Variants in PSMD1 observed in about 807,000 individuals in gnomAD.
The protein encoded by PSMD1 is 26S proteasome non-ATPase regulatory subunit 1.
PSMD1 carries 18 observed loss-of-function variants against 119.0 expected under a neutral mutation model. That is an observed-to-expected ratio of 0.15 (90% confidence interval 0.10 to 0.22). PSMD1 has a LOEUF of 0.22. Among genes scored for constraint, PSMD1 ranks in the 10% least tolerant of loss-of-function variants. The pLI is 1.00. For synonymous variants in PSMD1, 374 were observed against 396.6 expected, an observed-to-expected ratio of 0.94 and a Z score of 0.68; for missense variants, 702 against 1,158.5, an observed-to-expected ratio of 0.61 and a Z score of 5.72.
At chr2:231,108,862 C>G (rs1444997071) in intron 16 of PSMD1, 2 of 1,613,970 alleles carry the variant, frequency 1.2e-6, no homozygotes, top group Non-Finnish European at 1.7e-6. Flanking sequence ...CATAGCCTAT[C>G]CACACAAATA....
chr2:231,096,868 G>T (rs10197001), intron 16 of PSMD1, among the ~76,000 whole-genome samples: 25,255 of 152,168 alleles, frequency 0.17, 2,240 homozygotes, highest in Non-Finnish European at 0.17. Context: ...AGTCAGGGCA[G>T]AGCAGGTAGC....
rs137930315 is a variant in PSMD1 at position 231,141,737 on chromosome 2, G to A, written c.1998+2887G>A. 5.9e-3 allele frequency among the ~76,000 whole-genome samples: 892 copies of A among 152,078 alleles called. 5 individuals are homozygous for A. The highest frequency in any genetic ancestry group is 8.9e-3 in the Admixed American group (136 of 15,262). The stretch of plus-strand genomic sequence containing the variant: ...CACTGAGAATATAATGTTCACTGCT[G>A]GAACCTAAAATTAAAGCTTTGTTTG... On this transcript the variant is annotated intron_variant, in intron 17 of 24. Transcript: ENST00000308696.
At chr2:231,103,162 C>G (rs1454707512) in intron 16 of PSMD1, among the ~76,000 whole-genome samples, 4 of 152,178 alleles carry the variant, frequency 2.6e-5, no homozygotes, top group Non-Finnish European at 5.9e-5. Context: ...TATTTTTTTC[C>G]TATCGTGGAT....
At chr2:231,104,665 A>G (rs1346616780) in intron 16 of PSMD1, among the ~76,000 whole-genome samples, 1 of 152,108 alleles carries the variant, frequency 6.6e-6, no homozygotes, top group Non-Finnish European at 1.5e-5. Context: ...TGTTTAATAA[A>G]TTTCCCCACT....
chr2:231,096,741 A>G (rs913817431), intron 16 of PSMD1, among the ~76,000 whole-genome samples: 1 of 152,226 alleles, frequency 6.6e-6, no homozygotes, highest in African/African-American at 2.4e-5. Flanking sequence ...CTTATCCCTG[A>G]TGCACGTGGC....
At chr2:231,117,992 G>A (rs759408442) in intron 16 of PSMD1, among the ~76,000 whole-genome samples, 1 of 152,008 alleles carries the variant, frequency 6.6e-6, no homozygotes, top group African/African-American at 2.4e-5. Flanking sequence ...TTGAGAAAGC[G>A]GAATAATAAA....
At chr2:231,080,586 A>G (rs78304882) in intron 12 of PSMD1, among the ~76,000 whole-genome samples, 1,780 of 152,276 alleles carry the variant, frequency 0.012, 45 homozygotes, top group East Asian at 0.11. Context: ...GACCTTAGTT[A>G]TCATCTAGTC....
At chr2:231,147,750 C>G (rs927019862) in intron 18 of PSMD1, among the ~76,000 whole-genome samples, 3 of 152,196 alleles carry the variant, frequency 2.0e-5, no homozygotes, top group African/African-American at 7.2e-5. Flanking sequence ...TTAATTAATC[C>G]TGCTCATATA....
At position 231,056,877 on chromosome 2, in the gene PSMD1, G is replaced by A; in HGVS notation, c.-149G>A. On this transcript the variant is annotated 5_prime_UTR_variant, in exon 1 of 25. Transcript: ENST00000308696. Reference sequence around the variant, plus strand: ...CCCTGGGCGGGCGGGGTCCTGGCGAGAAGCGAGCCGGCGGCCTGAGGAGGC... The same window carrying A: ...CCCTGGGCGGGCGGGGTCCTGGCGAAAAGCGAGCCGGCGGCCTGAGGAGGC... 8.8e-7 allele frequency: 1 copy of A among 1,135,838 alleles called. No individual in the cohort carries two copies. The highest frequency in any genetic ancestry group is 1.3e-6 in the Non-Finnish European group (1 of 796,328). 70.4% of individuals were successfully genotyped at this position (1,135,838 alleles called of 1,614,324 possible).
intron 16 of PSMD1, among the ~76,000 whole-genome samples, chr2:231,135,699 C>G (rs1379280736): frequency 6.6e-6 from 1 of 152,116 alleles, no homozygotes; most frequent in Non-Finnish European, 1.5e-5. Flanking sequence ...TGTCACATAA[C>G]TAACAAATTT....
chr2:231,166,508 C>CTT (rs57532122), intron 23 of PSMD1, among the ~76,000 whole-genome samples: 88 of 148,226 alleles, frequency 5.9e-4, no homozygotes, highest in East Asian at 3.3e-3. Flanking sequence ...ACACCGTTGT[C>CTT]TTTTTTTTTT....
chr2:231,058,419 A>G (rs555330475), intron 1 of PSMD1, among the ~76,000 whole-genome samples: 1 of 152,290 alleles, frequency 6.6e-6, no homozygotes, highest in Non-Finnish European at 1.5e-5. Context: ...ACAATCCACC[A>G]GTGCTTACAT....
intron 18 of PSMD1, among the ~76,000 whole-genome samples, chr2:231,152,537 A>C (rs1273077526): frequency 6.6e-6 from 1 of 152,216 alleles, no homozygotes; most frequent in Admixed American, 6.5e-5. Context: ...TTACCCAAAC[A>C]GCTTATAAGA....
intron 5 of PSMD1, 105 bp from the exon 6 acceptor site, chr2:231,069,920 C>A: frequency 1.1e-6 from 1 of 944,922 alleles, no homozygotes; most frequent in Non-Finnish European, 1.4e-6. Context: ...AAATAATTGG[C>A]TTCCTAGATT....
intron 16 of PSMD1, among the ~76,000 whole-genome samples, chr2:231,101,519 T>C (rs980256690): frequency 4.6e-5 from 7 of 152,352 alleles, no homozygotes; most frequent in East Asian, 1.9e-4. Flanking sequence ...AGTTAGTTGA[T>C]AGAGTAGCAG....
intron 16 of PSMD1, among the ~76,000 whole-genome samples, chr2:231,127,784 A>T (rs1695761567): frequency 6.6e-6 from 1 of 152,266 alleles, no homozygotes; most frequent in African/African-American, 2.4e-5. Context: ...TTTCTATGCA[A>T]ATAATAAGAA....
chr2:231,169,065 C>T (rs1392889226), intron 23 of PSMD1, among the ~76,000 whole-genome samples: 1 of 151,522 alleles, frequency 6.6e-6, no homozygotes, highest in Non-Finnish European at 1.5e-5. Context: ...AACTTTCCCA[C>T]CAACATGTAA....
rs1324889363 is a variant in PSMD1 at position 231,110,264 on chromosome 2, G to T, written c.1883+23083G>T. ...GAACCCAGGAGGCCGAGGTTGCAGT[G>T]AGCCGAGATCACACCACTGCCCTCC... is the stretch of plus-strand genomic sequence containing the variant. On this transcript the variant is annotated intron_variant, in intron 16 of 24. Transcript: ENST00000308696. 4.0e-5 allele frequency among the ~76,000 whole-genome samples: 6 copies of T among 150,238 alleles called. No homozygotes were observed. In the South Asian group the frequency reaches 8.4e-4, roughly 21 times the overall value.
intron 16 of PSMD1, chr2:231,123,810 A>C: frequency 7.2e-7 from 1 of 1,390,166 alleles, no homozygotes; most frequent in Non-Finnish European, 1.0e-6. Flanking sequence ...AGTGGTCAGC[A>C]TGGTTAGTAG....
Sources: gnomAD v4.1 joint callset for allele counts (sites outside exome capture counted in the v4.1 genomes callset) on GRCh38, gnomAD v4.1.1 for gene constraint, MANE v1.5 for transcripts, NCBI Gene and HGNC (gene_info 2026-07-23, HGNC 2026-07-21) for gene names.